Variants in AHDC1 observed in about 807,000 individuals in gnomAD.
AHDC1 encodes the protein AT-hook DNA binding motif containing 1, also known as transcription factor Gibbin.
In AHDC1, 7 loss-of-function variants were observed where a neutral mutation model predicts 87.9. The observed-to-expected ratio is 0.08, with a 90% CI of 0.05 to 0.15. The LOEUF (loss-of-function observed/expected upper bound fraction) is 0.15, where lower values mean the gene tolerates loss of function less well. Among genes scored for constraint, AHDC1 ranks in the 10% least tolerant of loss-of-function variants. AHDC1 has a pLI of 1.00. For missense variants in AHDC1, 1,841 were observed against 2,253.2 expected (o/e 0.82, Z 3.70); for synonymous variants, 1,051 against 1,006.8 (o/e 1.04, Z -0.83).
Position 27,549,605 on chromosome 1 carries a change from G to T in AHDC1, c.2511C>A (p.Thr837=). 1 of 1,613,190 alleles carries T rather than the reference G, an allele frequency of 6.2e-7. No homozygotes were observed. Among genetic ancestry groups the T allele is most frequent in the Admixed American group, 1.7e-5 (1 of 60,034 alleles). The change falls in exon 8 of 9, where the codon ACC becomes ACA. Residue 837 remains threonine (T), a synonymous_variant. Transcript: ENST00000673934. ...AATCGAGCAGCGAGCGAAAGTAGCC[G>T]GTGAAGAGGTTTTGGCGCTCCTGGC... ...ELSQERQNLF[T]GYFRSLLDSD...
At chr1:27,568,880 G>A (rs1423882374) in intron 3 of AHDC1, among the ~76,000 whole-genome samples, 2 of 152,004 alleles carry the variant, frequency 1.3e-5, no homozygotes, top group Non-Finnish European at 2.9e-5. Context: ...AAGGCGACTT[G>A]TTCTTTCTCG....
Position 27,558,534 on chromosome 1 carries a change from G to A in AHDC1, c.-450-4C>T. 2.6e-6 allele frequency: 1 copy of A among 386,834 alleles called. No homozygotes were observed. 24.0% of individuals were successfully genotyped at this position (386,834 alleles called of 1,614,324 possible). On this transcript the variant is annotated splice_polypyrimidine_tract_variant and splice_region_variant and intron_variant, in intron 4 of 8. Coordinates refer to ENST00000673934, the MANE Select transcript of AHDC1 (RefSeq NM_001371928.1). The surrounding 1 kb of genome is among the most constrained non-coding windows in gnomAD (Gnocchi z 5.6). Reference sequence around the variant, plus strand: ...CCATGAGCCTCAGTTCCCCTTTCTGGATAATGGGGAGTTTGAGTAAATGTT... The same window carrying A: ...CCATGAGCCTCAGTTCCCCTTTCTGAATAATGGGGAGTTTGAGTAAATGTT...
intron 3 of AHDC1, among the ~76,000 whole-genome samples, chr1:27,570,128 T>G (rs890674837): frequency 6.6e-6 from 1 of 151,920 alleles, no homozygotes; most frequent in Non-Finnish European, 1.5e-5. Context: ...ATGCCAACCT[T>G]TCCCTACCCT....
intron 8 of AHDC1, among the ~76,000 whole-genome samples, chr1:27,540,939 G>T (rs748131548): frequency 3.0e-5 from 4 of 134,326 alleles, no homozygotes; most frequent in Admixed American, 1.6e-4. Context: ...GAGCAGATGT[G>T]TTTTAATCAA....
chr1:27,546,823 C>T (rs1045011651), intron 8 of AHDC1, among the ~76,000 whole-genome samples: 12 of 152,296 alleles, frequency 7.9e-5, no homozygotes, highest in African/African-American at 2.9e-4. Context: ...TCTGGATAGG[C>T]CCTGGGTAGA....
intron 8 of AHDC1, among the ~76,000 whole-genome samples, chr1:27,540,683 A>G (rs995239579): frequency 1.8e-4 from 27 of 152,128 alleles, no homozygotes; most frequent in African/African-American, 6.3e-4. Flanking sequence ...CAGGAACAGC[A>G]AAAGCACGGG....
Position 27,551,023 on chromosome 1 carries a change from G to A in AHDC1, c.1093C>T (p.Leu365=). ...GHCPLAEPLR[L]DLCSPHGPPG... ...GGGCCGTGCGGTGAGCACAAGTCCA[G>A]GCGCAAGGGCTCGGCCAGTGGGCAG... The change falls in exon 8 of 9, where the codon CTG becomes TTG. Residue 365 remains leucine, a synonymous_variant. Coordinates refer to ENST00000673934, the MANE Select transcript of AHDC1 (RefSeq NM_001371928.1). The A allele has an allele frequency of 6.4e-7, 1 of 1,561,346 alleles. No individual in the cohort carries two copies. The highest frequency in any genetic ancestry group is 8.6e-7 in the Non-Finnish European group (1 of 1,158,648).
rs2019574378 is a variant in AHDC1, at chr1:27,551,670, C to G, written c.446G>C (p.Gly149Ala). 6.2e-7 allele frequency: 1 copy of G among 1,613,514 alleles called. No homozygotes were observed. The highest frequency in any genetic ancestry group is 1.1e-5 in the South Asian group (1 of 91,076). The part of the protein sequence containing the change: ...QHSGVHLDCG[G>A]LRLSRPPAPP... The stretch of plus-strand genomic sequence containing the variant: ...TGCAGGCGGGCGGCTCAGTCGGAGC[C>G]CACCACAGTCCAGGTGTACACCACT... The change falls in exon 8 of 9, where the codon GGG (glycine) becomes GCG (alanine). Residue 149 changes from glycine (G) to alanine (A), a missense_variant. Physicochemically the swap from Gly to Ala is moderately conservative, Grantham distance 60. Transcript: ENST00000673934.
chr1:27,537,497 G>A (rs1403189512), intron 8 of AHDC1, among the ~76,000 whole-genome samples: 1 of 152,184 alleles, frequency 6.6e-6, no homozygotes, highest in Non-Finnish European at 1.5e-5. Flanking sequence ...TACGCTGACT[G>A]AGTGACAGAG....
chr1:27,571,762 C>T (rs919971727), intron 3 of AHDC1, among the ~76,000 whole-genome samples: 4 of 152,172 alleles, frequency 2.6e-5, no homozygotes, highest in East Asian at 1.9e-4. Context: ...GTGTGCCAGG[C>T]GCTGGCAGAA....
rs116277763 is a variant in AHDC1 at position 27,564,731 on chromosome 1, T to C, written c.-628-5848A>G. On this transcript the variant is annotated intron_variant, in intron 3 of 8. Coordinates refer to ENST00000673934, the MANE Select transcript of AHDC1 (RefSeq NM_001371928.1). ...GCCCGATGAAGACCAATGAATCTGA[T>C]AGGAGTCCACCATGCCCTACCTTTA... Among the ~76,000 whole-genome samples the C allele has an allele frequency of 9.8e-3, 1,487 of 152,224 alleles. 9 individuals carry two copies. The highest frequency in any genetic ancestry group is 0.017 in the Middle Eastern group (5 of 294).
chr1:27,555,565 G>A (rs2019780018), intron 5 of AHDC1, among the ~76,000 whole-genome samples: 1 of 152,204 alleles, frequency 6.6e-6, no homozygotes, highest in African/African-American at 2.4e-5. Context: ...AGAACTTGGA[G>A]CACTGTTGCC....
chr1:27,567,263 G>A (rs1424064599), intron 3 of AHDC1, among the ~76,000 whole-genome samples: 1 of 152,186 alleles, frequency 6.6e-6, no homozygotes, highest in African/African-American at 2.4e-5. Flanking sequence ...GCAGAGCCCA[G>A]GCCTACCGGG....
chr1:27,544,289 G>A (rs1477910801), intron 8 of AHDC1, among the ~76,000 whole-genome samples: 1 of 152,168 alleles, frequency 6.6e-6, no homozygotes, highest in Non-Finnish European at 1.5e-5. Context: ...GGGGCAGAGG[G>A]CTGACTTCTG....
At chr1:27,602,088 G>A (rs2089544437) in intron 3 of AHDC1, among the ~76,000 whole-genome samples, 1 of 152,084 alleles carries the variant, frequency 6.6e-6, no homozygotes, top group African/African-American at 2.4e-5. Context: ...CCAGGGTGAC[G>A]CCTGGGCCCA....
rs564779644 is a variant in AHDC1 at position 27,590,903 on chromosome 1, C to T, written c.-629+12494G>A. ...GGTGGGCTCCCTCAACCCCCAGCAC[C>T]TTGGATGAGCAGTTGGAGAGCAGGT... is the stretch of plus-strand genomic sequence containing the variant. On this transcript the variant is annotated intron_variant, in intron 3 of 8. Coordinates refer to ENST00000673934, the MANE Select transcript of AHDC1 (RefSeq NM_001371928.1). This position sits in a 1 kb window ranked among gnomAD's most constrained non-coding sequence, Gnocchi z 5.4. 7.2e-5 allele frequency among the ~76,000 whole-genome samples: 11 copies of T among 152,300 alleles called. No individual in the cohort carries two copies. In the East Asian group the frequency reaches 2.1e-3, roughly 29 times the overall value.
At chr1:27,541,186 T>C (rs972625279) in intron 8 of AHDC1, among the ~76,000 whole-genome samples, 7 of 152,072 alleles carry the variant, frequency 4.6e-5, no homozygotes, top group African/African-American at 1.7e-4. Context: ...TCAAGACCCA[T>C]TTCCTGCCTC....
intron 3 of AHDC1, among the ~76,000 whole-genome samples, chr1:27,574,431 C>T (rs1557690787): frequency 6.6e-6 from 1 of 152,190 alleles, no homozygotes; most frequent in Non-Finnish European, 1.5e-5. Flanking sequence ...TGTTGTGTAA[C>T]TTTGAGCCCC....
At chr1:27,592,361 C>T (rs879686891) in intron 3 of AHDC1, among the ~76,000 whole-genome samples, 1 of 151,974 alleles carries the variant, frequency 6.6e-6, no homozygotes, top group Admixed American at 6.6e-5. Context: ...CCACCCAGCC[C>T]ATCACCTGCA....
Sources: gnomAD v4.1 joint callset for allele counts (sites outside exome capture counted in the v4.1 genomes callset) on GRCh38, gnomAD v4.1.1 for gene constraint, Gnocchi (gnomAD v3.1) non-coding constraint, MANE v1.5 for transcripts, NCBI Gene and HGNC (gene_info 2026-07-23, HGNC 2026-07-21) for gene names.